GRID1: variants seen among roughly 807,000 people sequenced by gnomAD.
GRID1 encodes the protein glutamate receptor ionotropic, delta-1.
Under a neutral mutation model 98.0 loss-of-function variants are expected in GRID1, and 28 were observed. The ratio of observed to expected loss-of-function variants is 0.29; its 90% CI spans 0.21 to 0.39. GRID1 has a LOEUF of 0.39. Among genes scored for constraint, GRID1 ranks in the 10% least tolerant of loss-of-function variants. The pLI is 1.00. For missense variants in GRID1, 1,111 were observed against 1,340.5 expected, an observed-to-expected ratio of 0.83 and a Z score of 2.67; for synonymous variants, 553 against 538.5, an observed-to-expected ratio of 1.03 and a Z score of -0.37.
chr10:86,238,797 A>C (rs1351072563), intron 2 of GRID1, among the ~76,000 whole-genome samples: 4 of 152,056 alleles, frequency 2.6e-5, no homozygotes, highest in African/African-American at 9.6e-5. Flanking sequence ...GTGCGAGTTG[A>C]GGCTTGGGAG....
At chr10:86,054,563 C>T (rs997243362) in intron 4 of GRID1, among the ~76,000 whole-genome samples, 1 of 152,194 alleles carries the variant, frequency 6.6e-6, no homozygotes, top group Non-Finnish European at 1.5e-5. Flanking sequence ...GTGTGCCCTG[C>T]AAAGGCTCAG....
At chr10:85,632,034 T>C (rs1163583912) in intron 13 of GRID1, among the ~76,000 whole-genome samples, 2 of 151,808 alleles carry the variant, frequency 1.3e-5, no homozygotes, top group African/African-American at 2.4e-5. Flanking sequence ...AGCTTGACCA[T>C]GCATGTCCTG....
chr10:86,318,741 C>CTCAT (rs936520453), intron 2 of GRID1, among the ~76,000 whole-genome samples: 4 of 152,320 alleles, frequency 2.6e-5, no homozygotes, highest in Admixed American at 2.0e-4. Context: ...CATTCACTCC[C>CTCAT]TCATTCATTC....
chr10:85,987,397 G>C (rs1842621828), intron 4 of GRID1, among the ~76,000 whole-genome samples: 1 of 95,148 alleles, frequency 1.1e-5, no homozygotes, highest in African/African-American at 4.3e-5. Context: ...CTTCCCCCTA[G>C]CTATATCTTC....
intron 2 of GRID1, among the ~76,000 whole-genome samples, chr10:86,211,299 GTC>G (rs1485649479): frequency 6.6e-6 from 1 of 152,192 alleles, no homozygotes; most frequent in Non-Finnish European, 1.5e-5. Flanking sequence ...CAAAGCTGAT[GTC>G]TCTCTTGATT....
intron 8 of GRID1, among the ~76,000 whole-genome samples, chr10:85,736,345 T>C (rs1841883767): frequency 6.6e-6 from 1 of 151,606 alleles, no homozygotes; most frequent in Non-Finnish European, 1.5e-5. Flanking sequence ...AAGGAAGGAA[T>C]GAAGGAAATA....
At chr10:86,342,801 C>T (rs114912296) in intron 2 of GRID1, among the ~76,000 whole-genome samples, 1,654 of 152,342 alleles carry the variant, frequency 0.011, 32 homozygotes, top group African/African-American at 0.037. Flanking sequence ...CTGTGAGCCC[C>T]GGCCCGACAG....
intron 2 of GRID1, among the ~76,000 whole-genome samples, chr10:86,236,748 C>T (rs937567252): frequency 4.6e-5 from 7 of 152,176 alleles, no homozygotes; most frequent in Non-Finnish European, 8.8e-5. Context: ...GATGACAAGA[C>T]GTCTTGGCAC....
chr10:86,363,854 C>T, intron 2 of GRID1, 87 bp downstream of exon 2: 1 of 1,188,956 alleles, frequency 8.4e-7, no homozygotes, highest in Non-Finnish European at 1.2e-6. Context: ...CCTGCGCAGC[C>T]CAGCTCGTCC....
intron 4 of GRID1, among the ~76,000 whole-genome samples, chr10:86,087,453 T>A (rs768072081): frequency 1.3e-5 from 2 of 150,892 alleles, no homozygotes; most frequent in African/African-American, 2.4e-5. Flanking sequence ...TGATAGGTTG[T>A]TCCTGAGACT....
chr10:86,348,982 T>C (rs1390918148), intron 2 of GRID1, among the ~76,000 whole-genome samples: 1 of 152,264 alleles, frequency 6.6e-6, no homozygotes, highest in Non-Finnish European at 1.5e-5. Flanking sequence ...GTCCAGCTCC[T>C]GCTTCCTCAG....
intron 4 of GRID1, among the ~76,000 whole-genome samples, chr10:86,024,353 G>C (rs532861607): frequency 1.3e-5 from 2 of 152,298 alleles, no homozygotes; most frequent in Admixed American, 1.3e-4. Flanking sequence ...CAGTTCCCCA[G>C]GCAGCAATCA....
At chr10:85,941,419 T>C (rs1024661288) in intron 4 of GRID1, among the ~76,000 whole-genome samples, 5 of 152,238 alleles carry the variant, frequency 3.3e-5, no homozygotes, top group Admixed American at 6.5e-5. Context: ...CATATCTATA[T>C]GCTGTGAACA....
chr10:85,672,578 T>A (rs1841099045), intron 12 of GRID1, among the ~76,000 whole-genome samples: 2 of 152,162 alleles, frequency 1.3e-5, no homozygotes, highest in Admixed American at 6.5e-5. Flanking sequence ...AGTGCTGGGA[T>A]AACAGGCATG....
At chr10:85,612,882 G>T (rs1287705421) in intron 15 of GRID1, 1 of 152,772 alleles carries the variant, frequency 6.5e-6, no homozygotes, top group Non-Finnish European at 1.5e-5. Flanking sequence ...TGTCCCCCAG[G>T]CTGGGTGCAC....
At chr10:86,267,699 G>A (rs1483244085) in intron 2 of GRID1, among the ~76,000 whole-genome samples, 1 of 152,124 alleles carries the variant, frequency 6.6e-6, no homozygotes, top group Non-Finnish European at 1.5e-5. Context: ...AAAGGGACAT[G>A]ACATCCCACC....
intron 4 of GRID1, among the ~76,000 whole-genome samples, chr10:85,982,529 G>A (rs1296269206): frequency 6.6e-6 from 1 of 152,128 alleles, no homozygotes; most frequent in Non-Finnish European, 1.5e-5. Context: ...TGAATGGGGA[G>A]TATTGCGGGA....
At chr10:86,181,549 C>T (rs17106392) in intron 3 of GRID1, among the ~76,000 whole-genome samples, 13,749 of 152,244 alleles carry the variant, frequency 0.09, 990 homozygotes, top group African/African-American at 0.19. Flanking sequence ...GAAAGAATGC[C>T]TGTGCCCATG....
chr10:86,260,823 C>G (rs932988805), intron 2 of GRID1, among the ~76,000 whole-genome samples: 37 of 152,238 alleles, frequency 2.4e-4, no homozygotes, highest in African/African-American at 8.7e-4. Flanking sequence ...ACACACATGC[C>G]AAGCCACTCG....
Sources: gnomAD v4.1 joint callset for allele counts (sites outside exome capture counted in the v4.1 genomes callset) on GRCh38, gnomAD v4.1.1 for gene constraint, MANE v1.5 for transcripts, NCBI Gene and HGNC (gene_info 2026-07-23, HGNC 2026-07-21) for gene names.